IGF2BP2: variants seen among roughly 807,000 people sequenced by gnomAD.
The protein encoded by IGF2BP2 is insulin like growth factor 2 mRNA binding protein 2.
IGF2BP2 carries 17 observed loss-of-function variants against 75.8 expected under a neutral mutation model. The observed-to-expected ratio is 0.22, with a 90% CI of 0.15 to 0.34. IGF2BP2 has a LOEUF of 0.34. Among genes scored for constraint, IGF2BP2 ranks in the 10% least tolerant of loss-of-function variants. The probability of loss-of-function intolerance (pLI) is 1.00; values close to 1 mark genes in which losing one functional copy is unlikely to be tolerated. For synonymous variants in IGF2BP2, 288 were observed against 295.6 expected (o/e 0.97, Z 0.26); for missense variants, 516 against 772.4 (o/e 0.67, Z 3.93).
chr3:185,758,033 T>C (rs1731871948), intron 2 of IGF2BP2, among the ~76,000 whole-genome samples: 1 of 152,212 alleles, frequency 6.6e-6, no homozygotes, highest in Non-Finnish European at 1.5e-5. Context: ...ACAATAATTG[T>C]CTTTTTCATA....
rs1047748869 is a variant in IGF2BP2, at chr3:185,731,333, G to A, written c.240-32986C>T. Among the ~76,000 whole-genome samples, 15 of 148,862 alleles carry A rather than the reference G, an allele frequency of 1.0e-4. No homozygotes were observed. In the East Asian group the frequency reaches 1.6e-3, roughly 16 times the overall value. ...GCAATCTTGGTTCACTGCGGCCTCC[G>A]CCTCCTGGGTTCCAGTGATTCTCCC... On this transcript the variant is annotated intron_variant, in intron 2 of 15. Coordinates refer to ENST00000382199, the MANE Select transcript of IGF2BP2 (RefSeq NM_006548.6).
At chr3:185,702,493 C>A (rs1198152803) in intron 2 of IGF2BP2, among the ~76,000 whole-genome samples, 1 of 152,092 alleles carries the variant, frequency 6.6e-6, no homozygotes, top group Non-Finnish European at 1.5e-5. Context: ...AATTCTTTGT[C>A]CTTTAAAATA....
chr3:185,696,759 A>G (rs1378147430), intron 3 of IGF2BP2, 96 bp from the exon 4 acceptor site: 4 of 994,314 alleles, frequency 4.0e-6, no homozygotes, highest in Non-Finnish European at 6.4e-6. Context: ...TTAAAGGAAA[A>G]AAAAGATGGT....
chr3:185,697,103 T>C (rs1722684917), intron 3 of IGF2BP2, among the ~76,000 whole-genome samples: 1 of 152,222 alleles, frequency 6.6e-6, no homozygotes, highest in Non-Finnish European at 1.5e-5. Context: ...GTTTTTTGTT[T>C]TGTTTTGTTT....
chr3:185,665,299 A>G (rs1489607880), intron 10 of IGF2BP2, among the ~76,000 whole-genome samples: 126 of 66,578 alleles, frequency 1.9e-3, no homozygotes, highest in South Asian at 3.5e-3. Context: ...GAAGGAGGAG[A>G]AGGAGAAGGA....
intron 2 of IGF2BP2, among the ~76,000 whole-genome samples, chr3:185,747,730 G>A (rs1302014162): frequency 6.6e-6 from 1 of 151,844 alleles, no homozygotes; most frequent in Non-Finnish European, 1.5e-5. Flanking sequence ...ATATATATAT[G>A]AACAATGACT....
intron 2 of IGF2BP2, among the ~76,000 whole-genome samples, chr3:185,817,487 T>G (rs1445461826): frequency 6.6e-6 from 1 of 152,192 alleles, no homozygotes; most frequent in African/African-American, 2.4e-5. Context: ...GAAAATAATT[T>G]TTCTTCACTA....
intron 2 of IGF2BP2, among the ~76,000 whole-genome samples, chr3:185,798,988 C>T (rs1428160810): frequency 2.6e-5 from 4 of 151,824 alleles, no homozygotes; most frequent in Non-Finnish European, 5.9e-5. Flanking sequence ...GTTGTCCAGG[C>T]TGGTCTCGAA....
intron 2 of IGF2BP2, chr3:185,713,434 A>G: frequency 1.9e-6 from 1 of 520,094 alleles, no homozygotes; most frequent in Non-Finnish European, 3.8e-6. Context: ...TTTAATGGCA[A>G]CACCACTAGA....
intron 13 of IGF2BP2, among the ~76,000 whole-genome samples, 185 bp from the exon 14 acceptor site, chr3:185,649,719 G>T (rs1379852799): frequency 1.3e-5 from 2 of 152,208 alleles, no homozygotes; most frequent in Non-Finnish European, 2.9e-5. Flanking sequence ...CTCCCGCCAC[G>T]TCAGATGGCT....
chr3:185,774,888 T>C (rs111989619), intron 2 of IGF2BP2, among the ~76,000 whole-genome samples: 4,956 of 151,460 alleles, frequency 0.033, 123 homozygotes, highest in Middle Eastern at 0.055. Flanking sequence ...GGGATGCTGG[T>C]GGGCTCCTGT....
intron 2 of IGF2BP2, among the ~76,000 whole-genome samples, chr3:185,747,939 T>C (rs1170212622): frequency 6.6e-6 from 1 of 151,878 alleles, no homozygotes; most frequent in African/African-American, 2.4e-5. Flanking sequence ...CACTGCAACC[T>C]CCACCTCCCA....
chr3:185,789,921 A>T (rs901449126), intron 2 of IGF2BP2, among the ~76,000 whole-genome samples: 3 of 152,038 alleles, frequency 2.0e-5, no homozygotes, highest in African/African-American at 7.2e-5. Flanking sequence ...TCTAGTAGAG[A>T]TGAGGTTTCA....
intron 10 of IGF2BP2, among the ~76,000 whole-genome samples, chr3:185,663,854 G>C (rs893961211): frequency 1.3e-5 from 2 of 152,088 alleles, no homozygotes; most frequent in Non-Finnish European, 2.9e-5. Context: ...AATCCCACTT[G>C]GTCATGATGA....
chr3:185,679,704 C>T (rs895165841), intron 7 of IGF2BP2, among the ~76,000 whole-genome samples: 2 of 152,174 alleles, frequency 1.3e-5, no homozygotes, highest in Non-Finnish European at 2.9e-5. Flanking sequence ...GTAACCTCCA[C>T]CTCCCAGGCT....
intron 2 of IGF2BP2, among the ~76,000 whole-genome samples, chr3:185,779,982 A>G (rs539937992): frequency 6.6e-6 from 1 of 152,358 alleles, no homozygotes; most frequent in East Asian, 1.9e-4. Flanking sequence ...TTGGAATTGG[A>G]AACAGCCTAA....
chr3:185,718,684 C>CAAAAAAAAA (rs10699427), intron 2 of IGF2BP2, among the ~76,000 whole-genome samples: 2 of 49,512 alleles, frequency 4.0e-5, no homozygotes, highest in Admixed American at 2.9e-4. Flanking sequence ...GACTCTGTCT[C>CAAAAAAAAA]AAAAAAAAAA....
intron 10 of IGF2BP2, among the ~76,000 whole-genome samples, chr3:185,670,309 TGTTAAATTTA>T (rs1179461827): frequency 1.3e-5 from 2 of 152,182 alleles, no homozygotes; most frequent in African/African-American, 4.8e-5. Flanking sequence ...ATTCTCTCCT[TGTTAAATTTA>T]GTTCAGGGGT....
chr3:185,781,944 G>T (rs1735259796), intron 2 of IGF2BP2, among the ~76,000 whole-genome samples: 1 of 152,056 alleles, frequency 6.6e-6, no homozygotes, highest in Non-Finnish European at 1.5e-5. Flanking sequence ...ACTAAGAAGT[G>T]AATTAGCTAC....
Sources: allele counts gnomAD v4.1 joint callset (sites outside exome capture counted in the v4.1 genomes callset), GRCh38; gene constraint gnomAD v4.1.1; transcripts MANE v1.5; gene names NCBI Gene and HGNC (gene_info 2026-07-23, HGNC 2026-07-21).